The following EFCAB5 variants were observed in gnomAD, a reference collection of about 807,000 sequenced individuals.
The protein encoded by EFCAB5 is EF-hand calcium-binding domain-containing protein 5.
Under a neutral mutation model 167.9 loss-of-function variants are expected in EFCAB5, and 131 were observed. The observed-to-expected ratio is 0.78, with a 90% CI of 0.68 to 0.90. EFCAB5 has a LOEUF of 0.90. Ranked by LOEUF, EFCAB5 falls within the 40% of genes least tolerant of loss-of-function variation. The pLI, the probability that EFCAB5 is intolerant of heterozygous loss-of-function variation, is 0.00. For missense variants in EFCAB5, 1,663 were observed against 1,745.2 expected, an observed-to-expected ratio of 0.95 and a Z score of 0.84; for synonymous variants, 574 against 602.8, an observed-to-expected ratio of 0.95 and a Z score of 0.70.
chr17:29,994,176 A>ATATG (rs1491374562), intron 5 of EFCAB5, among the ~76,000 whole-genome samples: 2 of 120,778 alleles, frequency 1.7e-5, no homozygotes, highest in African/African-American at 6.4e-5. Flanking sequence ...ATATATATAT[A>ATATG]TGTGATATAT....
chr17:30,082,383 T>C (rs1163532749), intron 17 of EFCAB5, among the ~76,000 whole-genome samples: 1 of 149,516 alleles, frequency 6.7e-6, no homozygotes, highest in Non-Finnish European at 1.5e-5. Context: ...TCTCTCTCTT[T>C]ATACCTCTTT....
chr17:29,982,730 C>T, intron 4 of EFCAB5, among the ~76,000 whole-genome samples: 1 of 152,238 alleles, frequency 6.6e-6, no homozygotes, highest in East Asian at 1.9e-4. Flanking sequence ...ATACTGAGGT[C>T]ACTCAAAGTT....
At chr17:30,096,177 G>A (rs1200113186) in intron 22 of EFCAB5, among the ~76,000 whole-genome samples, 1 of 152,140 alleles carries the variant, frequency 6.6e-6, no homozygotes, top group Non-Finnish European at 1.5e-5. Context: ...TCCCATGCAT[G>A]CAAACCCCCT....
upstream of EFCAB5, among the ~76,000 whole-genome samples, chr17:29,938,549 G>T (rs545688322): frequency 6.6e-6 from 1 of 152,246 alleles, no homozygotes; most frequent in African/African-American, 2.4e-5. Context: ...TACCCACAGT[G>T]GAACTTCTTT....
At chr17:29,961,351 AT>A (rs2067716099) in intron 3 of EFCAB5, among the ~76,000 whole-genome samples, 1 of 152,122 alleles carries the variant, frequency 6.6e-6, no homozygotes, top group Non-Finnish European at 1.5e-5. Context: ...TATATTCTGA[AT>A]ATTAATTCCT....
At chr17:30,084,983 C>T (rs1413298359) in intron 18 of EFCAB5, among the ~76,000 whole-genome samples, 4 of 152,122 alleles carry the variant, frequency 2.6e-5, no homozygotes, top group Non-Finnish European at 4.4e-5. Flanking sequence ...TTGCTTCCCC[C>T]GTCCCCGCCC....
At chr17:30,073,095 C>A in intron 14 of EFCAB5, 1 of 674,942 alleles carries the variant, frequency 1.5e-6, no homozygotes, top group South Asian at 1.6e-5. Context: ...CTCACTCTGT[C>A]GCCAGGCTGG....
intron 7 of EFCAB5, among the ~76,000 whole-genome samples, chr17:30,029,314 A>T (rs190326814): frequency 4.0e-4 from 61 of 152,340 alleles, no homozygotes; most frequent in Non-Finnish European, 5.6e-4. Flanking sequence ...AGCCCATCTT[A>T]AATGTGCTCA....
At chr17:29,943,541 G>A (rs770596894) in intron 2 of EFCAB5, 24 bp from the exon 3 acceptor site, 2 of 1,539,292 alleles carry the variant, frequency 1.3e-6, no homozygotes, top group African/African-American at 1.4e-5. Flanking sequence ...ATTGAAATTG[G>A]TGATTTTTTT....
chr17:30,066,263 G>A (rs1400543165), intron 14 of EFCAB5, among the ~76,000 whole-genome samples: 2 of 151,842 alleles, frequency 1.3e-5, no homozygotes, highest in African/African-American at 4.8e-5. Context: ...TATCTTTTCT[G>A]ACCTCAATGA....
chr17:29,950,865 T>G lies in EFCAB5; in HGVS notation c.190+7216T>G, dbSNP rs555962200. 3.3e-5 allele frequency among the ~76,000 whole-genome samples: 5 copies of G among 152,346 alleles called. No individual in the cohort carries two copies. The South Asian group carries it at 1.0e-3, about 32-fold the overall frequency. ...AAAGTTATACATAGGTTTTTGACTG[T>G]GCAGATATTGCTTCCTCTAACTCCT... On this transcript the variant is annotated intron_variant, in intron 3 of 22. Coordinates refer to ENST00000394835, the MANE Select transcript of EFCAB5 (RefSeq NM_198529.4).
intron 4 of EFCAB5, among the ~76,000 whole-genome samples, chr17:29,970,960 C>T (rs748311499): frequency 9.9e-5 from 15 of 151,562 alleles, no homozygotes; most frequent in East Asian, 7.8e-4. Context: ...CTGTAATCCC[C>T]GCTACTTGGG....
intron 3 of EFCAB5, among the ~76,000 whole-genome samples, chr17:29,951,588 C>T (rs553118957): frequency 6.4e-4 from 98 of 152,082 alleles, no homozygotes; most frequent in African/African-American, 2.3e-3. Flanking sequence ...ATCTCCTGAC[C>T]TTGTGATCTG....
intron 4 of EFCAB5, among the ~76,000 whole-genome samples, chr17:29,970,669 T>TACACACAC (rs1220247152): frequency 0.022 from 1,274 of 58,766 alleles, 24 homozygotes; most frequent in African/African-American, 0.049. Context: ...CACACACACA[T>TACACACAC]ACACACACAC....
chr17:30,056,391 T>G (rs1288493435), intron 12 of EFCAB5, among the ~76,000 whole-genome samples: 2 of 152,212 alleles, frequency 1.3e-5, no homozygotes, highest in Admixed American at 1.3e-4. Context: ...CTTTAAAACT[T>G]ATGGCATTAG....
At chr17:29,959,602 C>T (rs2067681285) in intron 3 of EFCAB5, among the ~76,000 whole-genome samples, 1 of 152,082 alleles carries the variant, frequency 6.6e-6, no homozygotes, top group Non-Finnish European at 1.5e-5. Flanking sequence ...CCCTTCTGGC[C>T]CAGGATGTGT....
chr17:30,087,103 A>G lies in EFCAB5; in HGVS notation c.3620A>G (p.Gln1207Arg), dbSNP rs756798074. The change falls in exon 19 of 23, where the codon CAG becomes CGG. Residue 1207 changes from glutamine (Q) to arginine (R), a missense_variant. Transcript: ENST00000394835. ...YVLRNMMVTG[Q>R]LGLTEIHKNP... ...TTACGCAACATGATGGTTACAGGGC[A>G]GCTGGGTCTAACAGAAATCCACAAA... The G allele has an allele frequency of 6.2e-7, 1 of 1,613,650 alleles. No homozygotes were observed. The highest frequency in any genetic ancestry group is 1.3e-5 in the African/African-American group (1 of 75,028).
At chr17:29,955,163 A>C (rs1458009959) in intron 3 of EFCAB5, among the ~76,000 whole-genome samples, 1 of 152,112 alleles carries the variant, frequency 6.6e-6, no homozygotes. Context: ...GAAATGAGTT[A>C]AGACTTTAGG....
At chr17:29,947,852 G>C (rs898803204) in intron 3 of EFCAB5, among the ~76,000 whole-genome samples, 63 of 152,236 alleles carry the variant, frequency 4.1e-4, no homozygotes, top group African/African-American at 1.4e-3. Flanking sequence ...TTGAGATGGA[G>C]TCTTGCTCTG....
Sources: allele counts gnomAD v4.1 joint callset (sites outside exome capture counted in the v4.1 genomes callset), GRCh38; gene constraint gnomAD v4.1.1; transcripts MANE v1.5; gene names NCBI Gene and HGNC (gene_info 2026-07-23, HGNC 2026-07-21).